BRWD3: variants seen among roughly 807,000 people sequenced by gnomAD.
The protein encoded by BRWD3 is bromodomain and WD repeat-containing protein 3.
A neutral mutation model predicts 149.7 loss-of-function variants in BRWD3; 10 were observed. The ratio of observed to expected loss-of-function variants is 0.07; its 90% CI spans 0.04 to 0.11. BRWD3 has a LOEUF of 0.11. BRWD3 is among the 10% of genes least tolerant of loss of function. BRWD3 has a pLI of 1.00. For missense variants in BRWD3, 940 were observed against 1,373.2 expected, an observed-to-expected ratio of 0.68 and a Z score of 4.99; for synonymous variants, 504 against 456.7, an observed-to-expected ratio of 1.10 and a Z score of -1.32.
chrX:80,712,592 G>T (rs1452841710), intron 20 of BRWD3, among the ~76,000 whole-genome samples: 2 of 109,998 alleles, frequency 1.8e-5, no homozygotes, highest in Admixed American at 1.9e-4. Context: ...AGTGAGGAGC[G>T]TCTCTGCCTG....
At chrX:80,795,343 G>GTA (rs1300428235) in intron 4 of BRWD3, among the ~76,000 whole-genome samples, 24 of 108,212 alleles carry the variant, frequency 2.2e-4, no homozygotes, top group African/African-American at 3.4e-4. Context: ...CTATAATTGT[G>GTA]TATATATATA....
intron 34 of BRWD3, among the ~76,000 whole-genome samples, chrX:80,687,726 T>G (rs1206817781): frequency 3.6e-5 from 4 of 110,234 alleles, no homozygotes; most frequent in African/African-American, 1.3e-4. Flanking sequence ...AGTCAGAGGG[T>G]ACCTACATAA....
intron 6 of BRWD3, among the ~76,000 whole-genome samples, chrX:80,762,439 T>C (rs1382402665): frequency 9.0e-6 from 1 of 111,234 alleles, no homozygotes; most frequent in East Asian, 2.8e-4. Flanking sequence ...TGTTTAAATA[T>C]ATCAGCAATG....
At chrX:80,725,844 T>C (rs902149237) in intron 14 of BRWD3, among the ~76,000 whole-genome samples, 2 of 106,037 alleles carry the variant, frequency 1.9e-5, no homozygotes, top group Admixed American at 2.0e-4. Context: ...TTTACATGTG[T>C]TACATGCCTA....
intron 8 of BRWD3, among the ~76,000 whole-genome samples, chrX:80,737,293 T>C (rs1289041539): frequency 9.0e-6 from 1 of 111,697 alleles, no homozygotes; most frequent in Non-Finnish European, 1.9e-5. Flanking sequence ...TCCTCCTGTA[T>C]ACTTTAAATT....
intron 7 of BRWD3, 44 bp downstream of exon 7, chrX:80,745,525 T>C (rs1242414331): frequency 2.4e-5 from 27 of 1,141,655 alleles, no homozygotes; most frequent in Non-Finnish European, 3.2e-5. Flanking sequence ...GCTTCAATTG[T>C]TGTAATTCTA....
At chrX:80,745,982 A>G (rs2073587423) in intron 6 of BRWD3, among the ~76,000 whole-genome samples, 1 of 110,875 alleles carries the variant, frequency 9.0e-6, no homozygotes, top group Non-Finnish European at 1.9e-5. Context: ...TCTCAAGCAC[A>G]TTCTCCTTTT....
At chrX:80,721,900 G>A (rs548245142) in intron 17 of BRWD3, among the ~76,000 whole-genome samples, 1 of 111,865 alleles carries the variant, frequency 8.9e-6, no homozygotes, top group South Asian at 3.7e-4. Context: ...AGTCTGGAGT[G>A]CAGTGGCGCA....
chrX:80,780,177 T>C (rs1424260871), intron 6 of BRWD3, among the ~76,000 whole-genome samples: 1 of 110,872 alleles, frequency 9.0e-6, no homozygotes, highest in Non-Finnish European at 1.9e-5. Flanking sequence ...ACCTCTTCCC[T>C]TTGTGAAGCA....
chrX:80,711,642 G>C (rs1489134286), intron 20 of BRWD3, among the ~76,000 whole-genome samples: 1 of 111,814 alleles, frequency 8.9e-6, no homozygotes, highest in Non-Finnish European at 1.9e-5. Context: ...CTACCTAGAG[G>C]CTTCTTCTGC....
At position 80,677,234 on chromosome X, in the gene BRWD3, G is replaced by A. The variant is rs140333389; in HGVS notation, c.4784C>T (p.Thr1595Ile). Residue 1595 changes from threonine (T) to isoleucine (I), a missense_variant, in exon 41 of 41, where the codon ACA (threonine) becomes ATA (isoleucine). Physicochemically the swap from Thr to Ile is moderately conservative, Grantham distance 89. Transcript: ENST00000373275. ...GGTGGATAAATGAGATTTCTCTTTT[G>A]TTTCTTTTTTCTCTTTATCTTCTCC... ...MGGEDKEKKE[T>I]KEKSHLSTSE... is the part of the protein sequence containing the mutation. The A allele has an allele frequency of 2.5e-6, 3 of 1,209,944 alleles. No individual in the cohort carries two copies. Among genetic ancestry groups the A allele is most frequent in the Middle Eastern group, 2.3e-4 (1 of 4,348 alleles).
intron 6 of BRWD3, among the ~76,000 whole-genome samples, chrX:80,753,564 C>A (rs1355146051): frequency 9.0e-6 from 1 of 111,716 alleles, no homozygotes; most frequent in Non-Finnish European, 1.9e-5. Flanking sequence ...AGCCACCACA[C>A]CCAGCCTTGA....
chrX:80,772,707 A>G (rs1162323505), intron 6 of BRWD3, among the ~76,000 whole-genome samples: 2 of 111,839 alleles, frequency 1.8e-5, no homozygotes, highest in Admixed American at 9.5e-5. Context: ...CAAAACATTC[A>G]ATTACCATAT....
intron 8 of BRWD3, among the ~76,000 whole-genome samples, chrX:80,741,540 T>G (rs767961687): frequency 6.0e-4 from 67 of 111,685 alleles, no homozygotes; most frequent in Admixed American, 1.2e-3. Flanking sequence ...TGTAAAAGTG[T>G]TCCTATTTCT....
At chrX:80,718,543 C>G (rs928111339) in intron 18 of BRWD3, among the ~76,000 whole-genome samples, 2 of 111,557 alleles carry the variant, frequency 1.8e-5, no homozygotes, top group Admixed American at 1.9e-4. Flanking sequence ...GAATAAAGGG[C>G]CTGGATAGAT....
intron 37 of BRWD3, among the ~76,000 whole-genome samples, chrX:80,683,009 A>G (rs2072477416): frequency 9.0e-6 from 1 of 111,631 alleles, no homozygotes; most frequent in African/African-American, 3.2e-5. Context: ...TAAAAAATAT[A>G]TTCAATAATG....
chrX:80,809,491 G>A lies in BRWD3; in HGVS notation c.-20C>T, dbSNP rs2074387613. On this transcript the variant is annotated 5_prime_UTR_variant, in exon 1 of 41. Coordinates refer to ENST00000373275, the MANE Select transcript of BRWD3 (RefSeq NM_153252.5). ...CGCCATCCTTTTCCCGAGGGGGTTT[G>A]GGGGCTTCGCTCCGGAGGGGCTGGC... is the stretch of plus-strand genomic sequence containing the variant. 14 of 1,142,789 alleles carry A rather than the reference G, an allele frequency of 1.2e-5. No individual in the cohort carries two copies. The highest frequency in any genetic ancestry group is 1.6e-5 in the Non-Finnish European group (14 of 854,050). 94.2% of individuals were successfully genotyped at this position (1,142,789 alleles called of 1,213,427 possible). A position where few individuals can be genotyped will look rare whatever the true frequency, so the allele number is the denominator to read the frequency against.
intron 20 of BRWD3, among the ~76,000 whole-genome samples, chrX:80,713,252 G>GA (rs2073018309): frequency 9.0e-6 from 1 of 111,525 alleles, no homozygotes; most frequent in Non-Finnish European, 1.9e-5. Flanking sequence ...ATAGAAAAGG[G>GA]GGAAAGGTGG....
At chrX:80,744,557 T>C (rs1217861571) in intron 7 of BRWD3, among the ~76,000 whole-genome samples, 1 of 112,554 alleles carries the variant, frequency 8.9e-6, no homozygotes, top group Non-Finnish European at 1.9e-5. Context: ...ATTTTTACCA[T>C]CATTTCTTTC....
Sources: allele counts gnomAD v4.1 joint callset (sites outside exome capture counted in the v4.1 genomes callset), GRCh38; gene constraint gnomAD v4.1.1; transcripts MANE v1.5; gene names NCBI Gene and HGNC (gene_info 2026-07-23, HGNC 2026-07-21).